The following LRCH1 variants were observed in gnomAD, a reference collection of about 807,000 sequenced individuals.
LRCH1 encodes the protein leucine rich repeats and calponin homology domain containing 1, also known as leucine-rich repeat and calponin homology domain-containing protein 1.
LRCH1 carries 23 observed loss-of-function variants against 94.9 expected under a neutral mutation model. The ratio of observed to expected loss-of-function variants is 0.24; its 90% confidence interval spans 0.17 to 0.34. The LOEUF is 0.34. Among genes scored for constraint, LRCH1 ranks in the 10% least tolerant of loss-of-function variants. LRCH1 has a pLI of 1.00. For synonymous variants in LRCH1, 364 were observed against 354.9 expected (o/e 1.03, Z -0.29); for missense variants, 790 against 945.9 (o/e 0.84, Z 2.16).
At chr13:46,629,522 C>T (rs976688672) in intron 1 of LRCH1, among the ~76,000 whole-genome samples, 1 of 152,140 alleles carries the variant, frequency 6.6e-6, no homozygotes, top group Non-Finnish European at 1.5e-5. Flanking sequence ...GTAACTCAGC[C>T]TTTGATTCTG....
At chr13:46,563,906 C>A (rs975065451) in intron 1 of LRCH1, among the ~76,000 whole-genome samples, 4 of 152,174 alleles carry the variant, frequency 2.6e-5, no homozygotes, top group Admixed American at 6.5e-5. Flanking sequence ...AGGGTCGTTT[C>A]TGTGGAGCCA....
Position 46,600,823 on chromosome 13 carries a change from G to A in LRCH1, c.307+47120G>A, listed in dbSNP as rs115628782. Reference sequence around the variant, plus strand: ...AGCACTGGTGTCACAGAACTTTGTCGTTCATGCTCTTTAGCAACAGTCAGC... The same window carrying A: ...AGCACTGGTGTCACAGAACTTTGTCATTCATGCTCTTTAGCAACAGTCAGC... On this transcript the variant is annotated intron_variant, in intron 1 of 19. Coordinates refer to ENST00000389797, the MANE Select transcript of LRCH1 (RefSeq NM_001164211.2). Among the ~76,000 whole-genome samples, 516 of 152,234 alleles carry A rather than the reference G, an allele frequency of 3.4e-3. 1 individual carries two copies. Among genetic ancestry groups the A allele is most frequent in the African/African-American group, 0.012 (491 of 41,538 alleles).
rs372536698 is a variant in LRCH1 at position 46,727,926 on chromosome 13, T to TTCTTTCTTTC, written c.1870-920_1870-919insCTTTCTTTCT. ...ATTTCTTTCTTTCTTTCTTTCTTTT[T>TTCTTTCTTTC]TTTTTTTTGAGATGGGATCTCACTC... On this transcript the variant is annotated intron_variant, in intron 17 of 19. Transcript: ENST00000389797. 6.0e-5 allele frequency among the ~76,000 whole-genome samples: 9 copies of TTCTTTCTTTC among 149,948 alleles called. 1 individual carries two copies. The highest frequency in any genetic ancestry group is 3.4e-3 in the Middle Eastern group (1 of 292).
At chr13:46,700,935 G>T (rs1593362328) in intron 10 of LRCH1, among the ~76,000 whole-genome samples, 186 bp from the exon 11 acceptor site, 1 of 152,092 alleles carries the variant, frequency 6.6e-6, no homozygotes, top group East Asian at 1.9e-4. Flanking sequence ...CCCCTACTCG[G>T]GCTCTTCCCA....
At chr13:46,713,947 A>T (rs1201472569) in intron 15 of LRCH1, among the ~76,000 whole-genome samples, 1 of 152,246 alleles carries the variant, frequency 6.6e-6, no homozygotes, top group Non-Finnish European at 1.5e-5. Flanking sequence ...TGAGCAAATC[A>T]AAAGTTGAAT....
downstream of LRCH1, among the ~76,000 whole-genome samples, chr13:46,747,014 T>G (rs183114442): frequency 6.6e-6 from 1 of 152,306 alleles, no homozygotes; most frequent in African/African-American, 2.4e-5. Flanking sequence ...GTTTCTGTTT[T>G]CCTGTGTGAG....
intron 2 of LRCH1, among the ~76,000 whole-genome samples, chr13:46,654,505 C>T (rs889366544): frequency 3.3e-5 from 5 of 152,152 alleles, no homozygotes; most frequent in African/African-American, 1.2e-4. Flanking sequence ...ATGCTGCAAA[C>T]ACACCACTTT....
intron 1 of LRCH1, among the ~76,000 whole-genome samples, chr13:46,618,857 C>T (rs1050854968): frequency 1.3e-5 from 2 of 152,122 alleles, no homozygotes; most frequent in South Asian, 2.1e-4. Context: ...CACTTAGAAC[C>T]TTTCTACTGC....
chr13:46,583,050 T>A (rs918121793), intron 1 of LRCH1, among the ~76,000 whole-genome samples: 4 of 152,172 alleles, frequency 2.6e-5, no homozygotes, highest in Non-Finnish European at 5.9e-5. Context: ...CCATCCAGTT[T>A]TTATATATTG....
intron 9 of LRCH1, 35 bp from the exon 10 acceptor site, chr13:46,699,301 A>C: frequency 1.3e-6 from 2 of 1,579,222 alleles, no homozygotes; most frequent in East Asian, 4.5e-5. Context: ...TGAGTAGCCA[A>C]TGGTTTTCAG....
At chr13:46,561,591 G>A (rs9526196) in intron 1 of LRCH1, among the ~76,000 whole-genome samples, 18,102 of 152,196 alleles carry the variant, frequency 0.12, 1,299 homozygotes, top group African/African-American at 0.21. Flanking sequence ...GCCATACAGC[G>A]TGAGGAGTAG....
At chr13:46,640,179 G>T (rs147044673) in intron 1 of LRCH1, among the ~76,000 whole-genome samples, 136 of 152,246 alleles carry the variant, frequency 8.9e-4, no homozygotes, top group African/African-American at 3.1e-3. Context: ...TTCACTTATT[G>T]TACAAAACTA....
chr13:46,602,812 C>T (rs981542268), intron 1 of LRCH1, among the ~76,000 whole-genome samples: 2 of 152,166 alleles, frequency 1.3e-5, no homozygotes, highest in Admixed American at 6.5e-5. Flanking sequence ...AATTAGCTGA[C>T]TGCGGTGGTG....
chr13:46,723,414 CA>C, intron 17 of LRCH1, 84 bp downstream of exon 17: 1 of 1,047,004 alleles, frequency 9.6e-7, no homozygotes, highest in East Asian at 2.5e-5. Context: ...ACATTGCAAG[CA>C]GTCCTAATTT....
At chr13:46,728,782 A>G in intron 17 of LRCH1, 65 bp from the exon 18 acceptor site, 1 of 1,440,206 alleles carries the variant, frequency 6.9e-7, no homozygotes, top group South Asian at 1.5e-5. Context: ...ATACCCATAA[A>G]TGTATTTTAC....
intron 1 of LRCH1, among the ~76,000 whole-genome samples, chr13:46,588,858 C>A (rs1224539049): frequency 6.6e-6 from 1 of 151,970 alleles, no homozygotes; most frequent in Non-Finnish European, 1.5e-5. Context: ...CTGCCTTGGC[C>A]TCCCAAAGTG....
At chr13:46,652,251 T>C (rs751546269) in intron 2 of LRCH1, among the ~76,000 whole-genome samples, 60 of 152,230 alleles carry the variant, frequency 3.9e-4, no homozygotes, top group Non-Finnish European at 5.6e-4. Context: ...TAATTTTTTG[T>C]ATTTTTAGTA....
chr13:46,636,103 T>C (rs2051085860), intron 1 of LRCH1, among the ~76,000 whole-genome samples: 1 of 122,578 alleles, frequency 8.2e-6, no homozygotes, highest in Non-Finnish European at 1.6e-5. Context: ...GAAGTCTCGC[T>C]CTGTCACCCA....
intron 9 of LRCH1, among the ~76,000 whole-genome samples, chr13:46,696,428 A>C (rs182717685): frequency 1.4e-3 from 214 of 152,326 alleles, no homozygotes; most frequent in Non-Finnish European, 2.0e-3. Flanking sequence ...AAAGATGGAA[A>C]CCCTGAAGAA....
Sources: allele counts gnomAD v4.1 joint callset (sites outside exome capture counted in the v4.1 genomes callset), GRCh38; gene constraint gnomAD v4.1.1; transcripts MANE v1.5; gene names NCBI Gene and HGNC (gene_info 2026-07-23, HGNC 2026-07-21).